The following SLC23A2 variants were observed in gnomAD, a reference collection of about 807,000 sequenced individuals.
SLC23A2 encodes the protein solute carrier family 23 member 2.
A neutral mutation model predicts 73.3 loss-of-function variants in SLC23A2; 36 were observed. That is an observed-to-expected ratio of 0.49 (90% CI 0.38 to 0.65). SLC23A2 has a LOEUF of 0.65. SLC23A2 is among the 30% of genes least tolerant of loss of function. SLC23A2 has a pLI of 0.00. For missense variants in SLC23A2, 507 were observed against 841.6 expected, an observed-to-expected ratio of 0.60 and a Z score of 4.92; for synonymous variants, 343 against 327.3, an observed-to-expected ratio of 1.05 and a Z score of -0.52.
rs533257711 is a variant in SLC23A2 at position 4,934,995 on chromosome 20, G to A, written c.-154-2279C>T. Among the ~76,000 whole-genome samples, 125 of 151,920 alleles carry A rather than the reference G, an allele frequency of 8.2e-4. 1 individual carries two copies. The highest frequency in any genetic ancestry group is 6.8e-3 in the Middle Eastern group (2 of 294). ...AAGGTCAGGAGATTGAGACCATCCT[G>A]GCTAACACAGTGAAGCCCTGTCTCT... On this transcript the variant is annotated intron_variant, in intron 2 of 16. Coordinates refer to ENST00000338244, the MANE Select transcript of SLC23A2 (RefSeq NM_005116.6).
chr20:4,988,623 C>T (rs186384746), intron 1 of SLC23A2, among the ~76,000 whole-genome samples: 1 of 151,964 alleles, frequency 6.6e-6, no homozygotes, highest in East Asian at 1.9e-4. Context: ...GTAGTCCCGG[C>T]TACTCGGGAG....
chr20:4,955,894 T>C (rs1219513261), intron 2 of SLC23A2, among the ~76,000 whole-genome samples: 1 of 152,072 alleles, frequency 6.6e-6, no homozygotes. Context: ...GTAATCTCTA[T>C]AATATAGGGG....
Position 4,862,688 on chromosome 20 carries a change from C to T in SLC23A2, c.1486+90G>A, listed in dbSNP as rs1930017063. On this transcript the variant is annotated intron_variant, in intron 14 of 16. Coordinates refer to ENST00000338244, the MANE Select transcript of SLC23A2 (RefSeq NM_005116.6). This position sits in a 1 kb window ranked among gnomAD's most constrained non-coding sequence, Gnocchi z 5.1. ...ATTTTAAAATAGAAATTTATCGTTACCTTCTTACTGAAGGGAGTCAGCAAA... is the reference window on the plus strand; with the variant it reads ...ATTTTAAAATAGAAATTTATCGTTATCTTCTTACTGAAGGGAGTCAGCAAA... 7.6e-6 allele frequency: 9 copies of T among 1,179,858 alleles called. No individual in the cohort carries two copies. The South Asian group carries it at 1.1e-4, about 14-fold the overall frequency. 73.1% of individuals were successfully genotyped at this position (1,179,858 alleles called of 1,614,324 possible).
upstream of SLC23A2, among the ~76,000 whole-genome samples, chr20:5,001,975 G>A (rs1344842400): frequency 6.6e-6 from 1 of 152,120 alleles, no homozygotes; most frequent in Non-Finnish European, 1.5e-5. Context: ...TAACCTAACT[G>A]GAGAAGAAGT....
At chr20:4,874,165 C>T (rs988803874) in intron 10 of SLC23A2, 73 bp from the exon 11 acceptor site, 45 of 1,466,762 alleles carry the variant, frequency 3.1e-5, no homozygotes, top group South Asian at 8.9e-5. Context: ...CGTCTTCCCG[C>T]GGTCGGAATA....
intron 15 of SLC23A2, among the ~76,000 whole-genome samples, chr20:4,860,741 G>A (rs776781086): frequency 6.6e-6 from 1 of 152,162 alleles, no homozygotes; most frequent in Admixed American, 6.6e-5. Flanking sequence ...ACATTATCTA[G>A]TCATAAAAAA....
At chr20:4,896,104 T>G (rs1931509318) in intron 6 of SLC23A2, among the ~76,000 whole-genome samples, 1 of 151,366 alleles carries the variant, frequency 6.6e-6, no homozygotes, top group South Asian at 2.1e-4. Flanking sequence ...TGGAGAGACG[T>G]GGGGGGGATG....
chr20:4,895,034 C>A (rs117220815), intron 6 of SLC23A2, among the ~76,000 whole-genome samples: 1 of 152,206 alleles, frequency 6.6e-6, no homozygotes, highest in South Asian at 2.1e-4. Flanking sequence ...CAACATCCAG[C>A]GTGACAGAAA....
chr20:4,958,906 T>C (rs2087335131), intron 2 of SLC23A2, among the ~76,000 whole-genome samples: 1 of 152,066 alleles, frequency 6.6e-6, no homozygotes, highest in Non-Finnish European at 1.5e-5. Flanking sequence ...TTTCATTCTT[T>C]GGATTAAAAA....
intron 5 of SLC23A2, among the ~76,000 whole-genome samples, chr20:4,900,623 A>G (rs1250685034): frequency 3.9e-5 from 6 of 152,186 alleles, no homozygotes. Flanking sequence ...TTTTTCTGTG[A>G]GCTGGCATTG....
chr20:4,863,280 C>T lies in SLC23A2; in HGVS notation c.1357-373G>A, dbSNP rs894438165. Among the ~76,000 whole-genome samples the T allele has an allele frequency of 6.6e-6, 1 of 152,210 alleles. No individual in the cohort carries two copies. Among genetic ancestry groups the T allele is most frequent in the Non-Finnish European group, 1.5e-5 (1 of 68,050 alleles). ...CAGCCTCAATGCCAACTTCCCCACA[C>T]CGGAAATCAGACCAAACCCCCAGAC... On this transcript the variant is annotated intron_variant, in intron 13 of 16. Coordinates refer to ENST00000338244, the MANE Select transcript of SLC23A2 (RefSeq NM_005116.6). The surrounding 1 kb of genome is among the most constrained non-coding windows in gnomAD (Gnocchi z 4.8).
chr20:4,982,151 C>A (rs1386903981), intron 1 of SLC23A2, among the ~76,000 whole-genome samples: 1 of 151,486 alleles, frequency 6.6e-6, no homozygotes, highest in South Asian at 2.1e-4. Context: ...TGTATCACCA[C>A]GCCCAGCTAA....
chr20:4,913,490 C>T (rs764762975), intron 3 of SLC23A2, among the ~76,000 whole-genome samples: 4 of 152,162 alleles, frequency 2.6e-5, no homozygotes, highest in Admixed American at 2.0e-4. Flanking sequence ...ACTTTTTAGC[C>T]AAACGGTTCC....
At chr20:4,967,635 C>T (rs2087494386) in intron 2 of SLC23A2, among the ~76,000 whole-genome samples, 2 of 152,312 alleles carry the variant, frequency 1.3e-5, no homozygotes, top group South Asian at 4.1e-4. Context: ...GAGACATTGA[C>T]GTCAACAGCA....
chr20:4,922,252 C>T (rs1046108612), intron 3 of SLC23A2, among the ~76,000 whole-genome samples: 1 of 152,100 alleles, frequency 6.6e-6, no homozygotes, highest in African/African-American at 2.4e-5. Context: ...GCAAAAGGCA[C>T]AGGCAGGAAT....
intron 1 of SLC23A2, among the ~76,000 whole-genome samples, chr20:4,999,501 C>T (rs932400846): frequency 6.6e-6 from 1 of 151,804 alleles, no homozygotes; most frequent in African/African-American, 2.4e-5. Flanking sequence ...GCAAAACCAT[C>T]TACATTTTTC....
intron 3 of SLC23A2, among the ~76,000 whole-genome samples, chr20:4,918,147 T>C (rs1213921024): frequency 6.6e-6 from 1 of 152,222 alleles, no homozygotes; most frequent in Non-Finnish European, 1.5e-5. Context: ...TGGGAAGCTT[T>C]CTAAACTTAA....
intron 3 of SLC23A2, among the ~76,000 whole-genome samples, chr20:4,927,404 AC>A (rs1160563033): frequency 6.6e-6 from 1 of 152,064 alleles, no homozygotes; most frequent in African/African-American, 2.4e-5. Flanking sequence ...CAACGGTGAG[AC>A]CCTCAACCCT....
rs1568604564 is a variant in SLC23A2 at position 4,872,799 on chromosome 20, G to A, written c.1102+1137C>T. ...TGAGACAGTCTTGCTCTGTCTCCCA[G>A]GCTGAAGTGCAGTGGCGCAATCTCG... On this transcript the variant is annotated intron_variant, in intron 11 of 16. Transcript: ENST00000338244. This position sits in a 1 kb window ranked among gnomAD's most constrained non-coding sequence, Gnocchi z 4.4. Among the ~76,000 whole-genome samples the A allele has an allele frequency of 6.6e-6, 1 of 151,928 alleles. No homozygotes were observed. The highest frequency in any genetic ancestry group is 6.6e-5 in the Admixed American group (1 of 15,266).
Sources: allele counts gnomAD v4.1 joint callset (sites outside exome capture counted in the v4.1 genomes callset), GRCh38; gene constraint gnomAD v4.1.1; non-coding constraint Gnocchi (gnomAD v3.1); transcripts MANE v1.5; gene names NCBI Gene and HGNC (gene_info 2026-07-23, HGNC 2026-07-21).